Variants in VWA8 observed in about 807,000 individuals in gnomAD.
VWA8 encodes the protein von Willebrand factor A domain-containing protein 8.
A neutral mutation model predicts 241.5 loss-of-function variants in VWA8; 221 were observed. That is an observed-to-expected ratio of 0.91 (90% CI 0.82 to 1.02). The LOEUF (loss-of-function observed/expected upper bound fraction) is 1.02, where lower values mean the gene tolerates loss of function less well. Ranked by LOEUF, VWA8 falls within the 50% of genes least tolerant of loss-of-function variation. The probability of loss-of-function intolerance (pLI) is 0.00; values close to 1 mark genes in which losing one functional copy is unlikely to be tolerated. For missense variants in VWA8, 2,322 were observed against 2,328.7 expected (o/e 1.00, Z 0.06); for synonymous variants, 852 against 827.1 (o/e 1.03, Z -0.52).
chr13:41,692,916 G>A lies in VWA8; in HGVS notation c.3621C>T (p.Leu1207=), dbSNP rs1375888831. The change falls in exon 30 of 45, where the codon CTC becomes CTT. Residue 1207 remains leucine (L), a synonymous_variant. Transcript: ENST00000379310. ...TCTTAGATGTAAACTTCTCGGAAGG[G>A]AGGATGAGACGATGAAGGGCCCGGC... is the stretch of plus-strand genomic sequence containing the variant. ...TTGRALHRLI[L]PSEKFTSKKP... is the part of the protein sequence containing the mutation. The A allele has an allele frequency of 6.2e-6, 10 of 1,611,678 alleles. No homozygotes were observed. The highest frequency in any genetic ancestry group is 8.5e-6 in the Non-Finnish European group (10 of 1,178,470).
At chr13:41,719,300 T>A in intron 26 of VWA8, 1 of 1,151,822 alleles carries the variant, frequency 8.7e-7, no homozygotes, top group Non-Finnish European at 1.1e-6. Context: ...TACGAAATAG[T>A]AATACGCATA....
At chr13:41,881,305 A>G (rs1220704460) in intron 9 of VWA8, among the ~76,000 whole-genome samples, 1 of 132,036 alleles carries the variant, frequency 7.6e-6, no homozygotes, top group Non-Finnish European at 1.5e-5. Context: ...AGAGCATGGT[A>G]TTTAGAAACC....
intron 21 of VWA8, among the ~76,000 whole-genome samples, chr13:41,734,098 G>C (rs777014774): frequency 6.6e-6 from 1 of 152,196 alleles, no homozygotes; most frequent in Non-Finnish European, 1.5e-5. Context: ...CCGGCACTTT[G>C]TGAGGCTGAG....
intron 19 of VWA8, among the ~76,000 whole-genome samples, chr13:41,781,585 G>A (rs1477596295): frequency 1.3e-5 from 2 of 152,084 alleles, no homozygotes; most frequent in Non-Finnish European, 2.9e-5. Flanking sequence ...CTTAGGACAA[G>A]GCCAGACTCA....
At chr13:41,617,633 T>TC (rs1285682401) in intron 37 of VWA8, among the ~76,000 whole-genome samples, 11 of 151,944 alleles carry the variant, frequency 7.2e-5, no homozygotes, top group Non-Finnish European at 7.4e-5. Flanking sequence ...ATACTATCCC[T>TC]CCCCCAGCCC....
In VWA8 at chr13:41,729,658, C is replaced by A; in HGVS notation, c.2522G>T (p.Gly841Val). Residue 841 changes from glycine to valine, a missense_variant, in exon 23 of 45, where the codon GGT (glycine) becomes GTT (valine). Coordinates refer to ENST00000379310, the MANE Select transcript of VWA8 (RefSeq NM_015058.2). ...DSPLVKAVKLGHILVVDEADK... is the reference protein window; with the variant it reads ...DSPLVKAVKLVHILVVDEADK... The stretch of plus-strand genomic sequence containing the variant: ...AGCCTCATCTACTACCAGAATATGA[C>A]CCAACTTTACTGCTTTAACCTTTGA... The A allele has an allele frequency of 3.1e-6, 5 of 1,611,790 alleles. No homozygotes were observed. Among genetic ancestry groups the A allele is most frequent in the Non-Finnish European group, 4.2e-6 (5 of 1,179,102 alleles).
chr13:41,819,414 A>G, intron 14 of VWA8, 28 bp from the exon 15 acceptor site: 1 of 1,585,342 alleles, frequency 6.3e-7, no homozygotes, highest in East Asian at 2.2e-5. Context: ...ATGAAAAAAA[A>G]TAACATATCT....
chr13:41,625,498 C>T (rs1479890406), intron 37 of VWA8, among the ~76,000 whole-genome samples: 1 of 152,132 alleles, frequency 6.6e-6, no homozygotes, highest in East Asian at 1.9e-4. Flanking sequence ...TCATCACTGG[C>T]CGTCAGAGAA....
chr13:41,851,234 A>C (rs991812970), intron 12 of VWA8, among the ~76,000 whole-genome samples: 3 of 152,186 alleles, frequency 2.0e-5, no homozygotes, highest in Non-Finnish European at 4.4e-5. Context: ...GCACCAGGCC[A>C]GTCCACCTAA....
chr13:41,786,437 G>T (rs140960452), intron 18 of VWA8, among the ~76,000 whole-genome samples: 37 of 152,198 alleles, frequency 2.4e-4, no homozygotes, highest in African/African-American at 8.7e-4. Context: ...AACCAGACAA[G>T]TAAAAAGTCT....
chr13:41,786,824 A>G (rs555829391), intron 18 of VWA8, among the ~76,000 whole-genome samples: 2 of 152,248 alleles, frequency 1.3e-5, no homozygotes, highest in Admixed American at 6.5e-5. Flanking sequence ...CATTTTTAAA[A>G]AATTGAAAAT....
At chr13:41,799,573 G>C (rs1176862439) in intron 17 of VWA8, among the ~76,000 whole-genome samples, 2 of 152,006 alleles carry the variant, frequency 1.3e-5, no homozygotes, top group Non-Finnish European at 2.9e-5. Flanking sequence ...CTTCATGCAG[G>C]AATCTTAATT....
chr13:41,914,930 T>C (rs887356690), intron 2 of VWA8, among the ~76,000 whole-genome samples: 3 of 152,224 alleles, frequency 2.0e-5, no homozygotes, highest in African/African-American at 4.8e-5. Flanking sequence ...TTTAGTTCTA[T>C]ACTTCCAGTT....
At chr13:41,750,644 A>G (rs2045648951) in intron 21 of VWA8, among the ~76,000 whole-genome samples, 1 of 152,176 alleles carries the variant, frequency 6.6e-6, no homozygotes, top group Non-Finnish European at 1.5e-5. Flanking sequence ...TATGCTGGAA[A>G]TAGCAAGAGA....
chr13:41,830,845 G>C (rs1871420348), intron 13 of VWA8, among the ~76,000 whole-genome samples: 1 of 152,022 alleles, frequency 6.6e-6, no homozygotes, highest in Non-Finnish European at 1.5e-5. Context: ...GAGGGCAGTA[G>C]TCATAAATAT....
At chr13:41,831,456 T>C (rs969141052) in intron 13 of VWA8, among the ~76,000 whole-genome samples, 1 of 152,174 alleles carries the variant, frequency 6.6e-6, no homozygotes, top group Admixed American at 6.5e-5. Context: ...AATATTAATG[T>C]GAAAACTAAA....
At chr13:41,711,764 C>A (rs1430147839) in intron 26 of VWA8, among the ~76,000 whole-genome samples, 1 of 151,978 alleles carries the variant, frequency 6.6e-6, no homozygotes, top group Non-Finnish European at 1.5e-5. Flanking sequence ...GTCCCAGCTA[C>A]TTGGGAGGCT....
At chr13:41,882,932 T>C (rs1874332770) in intron 9 of VWA8, among the ~76,000 whole-genome samples, 1 of 152,118 alleles carries the variant, frequency 6.6e-6, no homozygotes, top group Non-Finnish European at 1.5e-5. Flanking sequence ...TGTATACATA[T>C]ACACATACTA....
intron 30 of VWA8, 67 bp downstream of exon 30, chr13:41,692,795 G>T (rs2045187386): frequency 7.8e-7 from 1 of 1,278,658 alleles, no homozygotes. Flanking sequence ...GGGCATGCAT[G>T]CATCTTTCTG....
Sources: gnomAD v4.1 joint callset for allele counts (sites outside exome capture counted in the v4.1 genomes callset) on GRCh38, gnomAD v4.1.1 for gene constraint, MANE v1.5 for transcripts, NCBI Gene and HGNC (gene_info 2026-07-23, HGNC 2026-07-21) for gene names.